Variants in CIP2A observed in about 807,000 individuals in gnomAD.
The protein encoded by CIP2A is protein CIP2A.
CIP2A carries 103 observed loss-of-function variants against 110.9 expected under a neutral mutation model. The ratio of observed to expected loss-of-function variants is 0.93; its 90% CI spans 0.79 to 1.09. The LOEUF (loss-of-function observed/expected upper bound fraction) is 1.09. Among genes scored for constraint, CIP2A ranks in the 50% least tolerant of loss-of-function variants. The probability of loss-of-function intolerance (pLI) is 0.00; values close to 1 mark genes in which losing one functional copy is unlikely to be tolerated. For synonymous variants in CIP2A, 381 were observed against 361.6 expected, an observed-to-expected ratio of 1.05 and a Z score of -0.61; for missense variants, 1,088 against 1,038.4, an observed-to-expected ratio of 1.05 and a Z score of -0.66.
intron 11 of CIP2A, among the ~76,000 whole-genome samples, chr3:108,565,860 G>A (rs190809540): frequency 9.9e-5 from 15 of 151,810 alleles, no homozygotes; most frequent in African/African-American, 3.6e-4. Flanking sequence ...TTTTGTACCT[G>A]AAAGTAGTAT....
intron 7 of CIP2A, 107 bp from the exon 8 acceptor site, chr3:108,576,453 CTATT>C (rs1476175015): frequency 5.1e-5 from 30 of 586,386 alleles, no homozygotes; most frequent in South Asian, 4.6e-4. Context: ...TTTCTTTCAT[CTATT>C]TATTTGGGCT....
intron 18 of CIP2A, among the ~76,000 whole-genome samples, 173 bp downstream of exon 18, chr3:108,554,203 C>A (rs942392468): frequency 6.6e-6 from 1 of 152,046 alleles, no homozygotes; most frequent in Admixed American, 6.6e-5. Flanking sequence ...GCCTTTAAAA[C>A]AAAATTTCTA....
At chr3:108,573,725 AG>A (rs771086546) in intron 8 of CIP2A, among the ~76,000 whole-genome samples, 1 of 152,134 alleles carries the variant, frequency 6.6e-6, no homozygotes, top group Admixed American at 6.5e-5. Context: ...TAGAAATTCT[AG>A]GGTTCGAAAT....
intron 17 of CIP2A, among the ~76,000 whole-genome samples, chr3:108,554,790 TATAA>T (rs942980258): frequency 6.6e-6 from 1 of 152,218 alleles, no homozygotes; most frequent in Non-Finnish European, 1.5e-5. Context: ...CATAATTTGC[TATAA>T]ATAAGTTTAG....
At chr3:108,564,072 T>C (rs1367612624) in intron 12 of CIP2A, among the ~76,000 whole-genome samples, 1 of 152,042 alleles carries the variant, frequency 6.6e-6, no homozygotes, top group Non-Finnish European at 1.5e-5. Context: ...AATATTAAAA[T>C]ATAAATCCCT....
chr3:108,579,184 C>T, intron 7 of CIP2A, 97 bp downstream of exon 7: 1 of 939,236 alleles, frequency 1.1e-6, no homozygotes, highest in Non-Finnish European at 1.6e-6. Context: ...CAGTAGAATC[C>T]AAGTTTATTA....
intron 2 of CIP2A, chr3:108,584,744 A>C (rs374138563): frequency 9.9e-6 from 2 of 201,078 alleles, no homozygotes. Context: ...ACACAAAGAA[A>C]TATCCCCACC....
At position 108,565,368 on chromosome 3, in the gene CIP2A, T is replaced by C; in HGVS notation, c.1502A>G (p.Tyr501Cys). The change falls in exon 12 of 21, where the codon TAC (tyrosine) becomes TGC (cysteine). Residue 501 changes from tyrosine (Y) to cysteine (C), a missense_variant. By Grantham distance (194) the Tyr-to-Cys change is radical (BLOSUM62 -2). Transcript: ENST00000295746. ...GTTTAAACTCACCTGAAGTATTTTG[T>C]AGAAGCTTACTTCCATACCAGGAAC... ...PLVPGMEVSFYKILQDPRLIT... is the reference protein window; with the variant it reads ...PLVPGMEVSFCKILQDPRLIT... 1.3e-6 allele frequency: 2 copies of C among 1,574,738 alleles called. No homozygotes were observed. Among genetic ancestry groups the C allele is most frequent in the East Asian group, 2.3e-5 (1 of 44,352 alleles).
chr3:108,565,338 G>A lies in CIP2A; in HGVS notation c.1515+17C>T. 2.3e-6 allele frequency: 3 copies of A among 1,281,528 alleles called. No homozygotes were observed. Among genetic ancestry groups the A allele is most frequent in the Non-Finnish European group, 2.2e-6 (2 of 899,604 alleles). The allele number at this position is 1,281,528 out of a possible 1,614,324, so 79.4% of individuals were successfully genotyped here. Reference sequence around the variant, plus strand: ...TATGTATGAATAAACTTCAATGTTTGAAGAGTTTAAACTCACCTGAAGTAT... The same window carrying A: ...TATGTATGAATAAACTTCAATGTTTAAAGAGTTTAAACTCACCTGAAGTAT... On this transcript the variant is annotated intron_variant, in intron 12 of 20. Transcript: ENST00000295746.
chr3:108,558,292 T>G lies in CIP2A; in HGVS notation c.2014-878A>C, dbSNP rs200926869. ...TGGGGGAAAAAAAGAATACCATTATTCTGAAGAGACTTAAGAGGCATTTTA... is the reference window on the plus strand; with the variant it reads ...TGGGGGAAAAAAAGAATACCATTATGCTGAAGAGACTTAAGAGGCATTTTA... On this transcript the variant is annotated intron_variant, in intron 16 of 20. Transcript: ENST00000295746. Among the ~76,000 whole-genome samples the G allele has an allele frequency of 2.0e-5, 3 of 152,248 alleles. No homozygotes were observed. The East Asian group carries it at 5.8e-4, about 29-fold the overall frequency.
intron 7 of CIP2A, among the ~76,000 whole-genome samples, chr3:108,576,565 T>G (rs1169478326): frequency 6.6e-6 from 1 of 152,198 alleles, no homozygotes; most frequent in African/African-American, 2.4e-5. Context: ...TAAAACATAG[T>G]GATTCATGTG....
chr3:108,577,890 C>T (rs1271467504), intron 7 of CIP2A, among the ~76,000 whole-genome samples: 1 of 152,118 alleles, frequency 6.6e-6, no homozygotes, highest in Non-Finnish European at 1.5e-5. Flanking sequence ...TAGAGCGAGA[C>T]TCTGTCTCTA....
At chr3:108,588,146 C>A (rs1056045731) in intron 1 of CIP2A, among the ~76,000 whole-genome samples, 4 of 152,184 alleles carry the variant, frequency 2.6e-5, no homozygotes, top group African/African-American at 9.7e-5. Flanking sequence ...ATACAAAATG[C>A]TTAACTCCCG....
At position 108,557,413 on chromosome 3, in the gene CIP2A, GCCTC is replaced by G; in HGVS notation, c.2014-3_2014del. On this transcript the variant is annotated splice_acceptor_variant and splice_polypyrimidine_tract_variant and coding_sequence_variant and intron_variant, in exon 17 of 21. Coordinates refer to ENST00000295746, the MANE Select transcript of CIP2A (RefSeq NM_020890.3). LOFTEE classifies it high-confidence loss of function. ...TCTCAACATACTAGCAAGTGTCCGT[GCCTC>G]AAAAAAAAAAAGAAGATAGACTTTA... 1 of 1,566,400 alleles carries G rather than the reference GCCTC, an allele frequency of 6.4e-7. No homozygotes were observed. Among genetic ancestry groups the G allele is most frequent in the African/African-American group, 1.4e-5 (1 of 72,010 alleles).
intron 18 of CIP2A, among the ~76,000 whole-genome samples, 158 bp from the exon 19 acceptor site, chr3:108,553,888 TAAAAATATAAAAA>T (rs1169503371): frequency 2.0e-3 from 6 of 3,058 alleles, no homozygotes; most frequent in Admixed American, 4.7e-3. Flanking sequence ...CCGTCTCTAC[TAAAAATATAAAAA>T]AAAAAAAAAA....
chr3:108,568,117 A>C, intron 10 of CIP2A, 38 bp downstream of exon 10: 2 of 1,494,376 alleles, frequency 1.3e-6, no homozygotes, highest in South Asian at 1.3e-5. Flanking sequence ...AAGAATGGTT[A>C]GTTATACAGT....
At chr3:108,585,848 T>C in intron 1 of CIP2A, 1 of 446,734 alleles carries the variant, frequency 2.2e-6, no homozygotes, top group South Asian at 1.6e-5. Flanking sequence ...TATTCCATTG[T>C]TTTTTTTACT....
At position 108,552,225 on chromosome 3, in the gene CIP2A, G is replaced by A; in HGVS notation, c.2547+9C>T. 6.4e-7 allele frequency: 1 copy of A among 1,551,194 alleles called. No homozygotes were observed. Among genetic ancestry groups the A allele is most frequent in the South Asian group, 1.3e-5 (1 of 79,866 alleles). On this transcript the variant is annotated intron_variant, in intron 20 of 20. Transcript: ENST00000295746. ...TTTACTGCAAATGAGAAATGGAACA[G>A]ATTCTTACCTTAATGCTCAACTCTT...
intron 2 of CIP2A, 81 bp from the exon 3 acceptor site, chr3:108,583,164 T>C: frequency 3.0e-6 from 2 of 658,078 alleles, no homozygotes; most frequent in South Asian, 3.7e-5. Flanking sequence ...TTATTTCATA[T>C]GAATTTATTA....
Sources: allele counts gnomAD v4.1 joint callset (sites outside exome capture counted in the v4.1 genomes callset), GRCh38; gene constraint gnomAD v4.1.1; transcripts MANE v1.5; gene names NCBI Gene and HGNC (gene_info 2026-07-23, HGNC 2026-07-21).